CDKAL1: variants seen among roughly 807,000 people sequenced by gnomAD.
CDKAL1 encodes the protein threonylcarbamoyladenosine tRNA methylthiotransferase.
CDKAL1 carries 32 observed loss-of-function variants against 68.2 expected under a neutral mutation model. The observed-to-expected ratio is 0.47, with a 90% CI of 0.35 to 0.63. The LOEUF (loss-of-function observed/expected upper bound fraction) is 0.63, where lower values mean the gene tolerates loss of function less well. Among genes scored for constraint, CDKAL1 ranks in the 30% least tolerant of loss-of-function variants. CDKAL1 has a pLI of 0.00. For synonymous variants in CDKAL1, 234 were observed against 244.3 expected (o/e 0.96, Z 0.39); for missense variants, 606 against 696.7 (o/e 0.87, Z 1.47).
intron 6 of CDKAL1, among the ~76,000 whole-genome samples, chr6:20,757,517 T>C (rs1774272446): frequency 6.6e-6 from 1 of 151,730 alleles, no homozygotes; most frequent in African/African-American, 2.4e-5. Flanking sequence ...CCAGCTGGTC[T>C]TGGTCTATTT....
chr6:20,870,063 G>C (rs140464128), intron 9 of CDKAL1, among the ~76,000 whole-genome samples: 1 of 152,124 alleles, frequency 6.6e-6, no homozygotes, highest in Non-Finnish European at 1.5e-5. Flanking sequence ...GAGAATCCCC[G>C]TGCATTTTGT....
chr6:20,810,057 T>A (rs938238686), intron 8 of CDKAL1, among the ~76,000 whole-genome samples: 9 of 152,124 alleles, frequency 5.9e-5, no homozygotes, highest in African/African-American at 2.2e-4. Flanking sequence ...CTGATAGTGA[T>A]CCTTCAATTG....
intron 11 of CDKAL1, among the ~76,000 whole-genome samples, chr6:21,053,825 T>C (rs1345747812): frequency 1.3e-5 from 2 of 152,204 alleles, no homozygotes; most frequent in Non-Finnish European, 2.9e-5. Context: ...GTCTTCCTGT[T>C]AGTGAGTCAT....
intron 9 of CDKAL1, among the ~76,000 whole-genome samples, chr6:20,902,321 ACACACACACACAC>A (rs1762034825): frequency 7.0e-5 from 1 of 14,334 alleles, no homozygotes; most frequent in African/African-American, 4.0e-4. Flanking sequence ...TCACACACAC[ACACACACACACAC>A]ACACACACAC....
At chr6:21,157,198 G>A (rs1776689601) in intron 13 of CDKAL1, among the ~76,000 whole-genome samples, 1 of 152,190 alleles carries the variant, frequency 6.6e-6, no homozygotes, top group Admixed American at 6.5e-5. Context: ...GAATGATGCT[G>A]ATAATAATCA....
intron 12 of CDKAL1, among the ~76,000 whole-genome samples, chr6:21,070,243 T>C (rs1771699945): frequency 1.3e-5 from 2 of 152,216 alleles, no homozygotes; most frequent in Non-Finnish European, 2.9e-5. Flanking sequence ...GCTGAATAAT[T>C]TTCTCGGCCT....
chr6:21,159,339 A>G (rs1047381735), intron 13 of CDKAL1, among the ~76,000 whole-genome samples: 3 of 152,010 alleles, frequency 2.0e-5, no homozygotes, highest in Admixed American at 6.5e-5. Context: ...AGCCCAAGCA[A>G]CCTCTTCTTT....
chr6:20,961,694 G>A (rs1765065744), intron 10 of CDKAL1, among the ~76,000 whole-genome samples: 1 of 151,692 alleles, frequency 6.6e-6, no homozygotes, highest in Non-Finnish European at 1.5e-5. Context: ...GTGAACCTGG[G>A]AGGTGGAGCT....
At chr6:21,181,766 C>A (rs1292082181) in intron 13 of CDKAL1, among the ~76,000 whole-genome samples, 2 of 152,098 alleles carry the variant, frequency 1.3e-5, no homozygotes, top group Admixed American at 1.3e-4. Context: ...TTTTATATGG[C>A]CATTTTGAGA....
chr6:20,548,532 C>CA (rs370920469), intron 3 of CDKAL1, 61 bp from the exon 4 acceptor site: 13,051 of 678,274 alleles, frequency 0.019, 7 homozygotes, highest in African/African-American at 0.021. Flanking sequence ...GACCCTGGAT[C>CA]AAAAAAAAAA....
At chr6:21,190,064 C>G (rs1244872211) in intron 13 of CDKAL1, among the ~76,000 whole-genome samples, 2 of 151,888 alleles carry the variant, frequency 1.3e-5, no homozygotes, top group Non-Finnish European at 2.9e-5. Flanking sequence ...TGCACAGACA[C>G]TAGAAATATT....
intron 5 of CDKAL1, among the ~76,000 whole-genome samples, chr6:20,729,094 T>C (rs528793289): frequency 6.6e-6 from 1 of 152,194 alleles, no homozygotes; most frequent in Non-Finnish European, 1.5e-5. Context: ...GTAGAAAATA[T>C]TGACCAGTTG....
intron 5 of CDKAL1, among the ~76,000 whole-genome samples, chr6:20,704,365 A>G (rs749019089): frequency 6.6e-6 from 1 of 152,208 alleles, no homozygotes; most frequent in Non-Finnish European, 1.5e-5. Flanking sequence ...TAGTCAAGGA[A>G]GACTTCTCTG....
At chr6:21,084,296 G>A (rs1326232669) in intron 12 of CDKAL1, among the ~76,000 whole-genome samples, 8 of 151,980 alleles carry the variant, frequency 5.3e-5, no homozygotes, top group African/African-American at 1.9e-4. Context: ...ATTTTGAATT[G>A]GATATACAGT....
At chr6:20,978,076 G>A (rs1765928586) in intron 10 of CDKAL1, among the ~76,000 whole-genome samples, 1 of 152,146 alleles carries the variant, frequency 6.6e-6, no homozygotes, top group South Asian at 2.1e-4. Flanking sequence ...AACTAAAATT[G>A]TATGCTTTTT....
At chr6:20,740,909 A>G (rs560929160) in intron 6 of CDKAL1, among the ~76,000 whole-genome samples, 1 of 152,290 alleles carries the variant, frequency 6.6e-6, no homozygotes, top group East Asian at 1.9e-4. Context: ...AACTTTCTCT[A>G]TAAACATAAT....
intron 4 of CDKAL1, among the ~76,000 whole-genome samples, chr6:20,572,555 C>A (rs910862996): frequency 1.3e-5 from 2 of 152,116 alleles, no homozygotes; most frequent in African/African-American, 4.8e-5. Flanking sequence ...CCTTCAGAAG[C>A]AGTTTACATA....
At chr6:21,069,771 TTTC>T (rs1230182450) in intron 12 of CDKAL1, among the ~76,000 whole-genome samples, 8,493 of 86,414 alleles carry the variant, frequency 0.098, 829 homozygotes, top group East Asian at 0.36. Flanking sequence ...CCAGATTTTC[TTTC>T]TTTTTTTTTT....
chr6:20,819,845 TTATTTTTATTAAA>T (rs1209976387), intron 8 of CDKAL1, among the ~76,000 whole-genome samples: 1 of 152,012 alleles, frequency 6.6e-6, no homozygotes, highest in Non-Finnish European at 1.5e-5. Context: ...TTTTTATTTA[TTATTTTTATTAAA>T]TATTTAAGAA....
Sources: allele counts gnomAD v4.1 joint callset (sites outside exome capture counted in the v4.1 genomes callset), GRCh38; gene constraint gnomAD v4.1.1; transcripts MANE v1.5; gene names NCBI Gene and HGNC (gene_info 2026-07-23, HGNC 2026-07-21).